Variants in RBM20 observed in about 807,000 individuals in gnomAD.
RBM20 encodes RNA-binding protein 20.
In RBM20, 51 loss-of-function variants were observed where a neutral mutation model predicts 110.1. The observed-to-expected ratio is 0.46, with a 90% CI of 0.37 to 0.59. The LOEUF (loss-of-function observed/expected upper bound fraction) is 0.59, where lower values mean the gene tolerates loss of function less well. Ranked by LOEUF, RBM20 falls within the 20% of genes least tolerant of loss-of-function variation. The pLI, the probability that RBM20 is intolerant of heterozygous loss-of-function variation, is 0.00. For missense variants in RBM20, 1,512 were observed against 1,574.9 expected (o/e 0.96, Z 0.68); for synonymous variants, 589 against 618.2 (o/e 0.95, Z 0.70).
chr10:110,700,443 GA>G (rs1036041876), intron 1 of RBM20, among the ~76,000 whole-genome samples: 26 of 152,310 alleles, frequency 1.7e-4, no homozygotes, highest in African/African-American at 6.3e-4. Flanking sequence ...TACCAATTAA[GA>G]AATCCTTGGC....
chr10:110,715,295 T>G (rs768797609), intron 1 of RBM20, among the ~76,000 whole-genome samples: 1 of 152,060 alleles, frequency 6.6e-6, no homozygotes, highest in Non-Finnish European at 1.5e-5. Flanking sequence ...ACCCATAATT[T>G]GTGAATATTC....
chr10:110,690,172 G>A (rs1862566975), intron 1 of RBM20, among the ~76,000 whole-genome samples: 1 of 152,186 alleles, frequency 6.6e-6, no homozygotes, highest in African/African-American at 2.4e-5. Flanking sequence ...TTGGGAAGCT[G>A]AGGCTGGAGG....
chr10:110,790,487 A>G (rs979722745), intron 5 of RBM20, among the ~76,000 whole-genome samples: 3 of 152,268 alleles, frequency 2.0e-5, no homozygotes, highest in African/African-American at 7.2e-5. Context: ...TTGTGTAAAC[A>G]ATCTTAGCAG....
chr10:110,812,681 A>G lies in RBM20; in HGVS notation c.2284A>G (p.Lys762Glu). ...AAGCCGTGAAGACGGCTACTACCGG[A>G]AAGAGCCCAAAGCCAAGTCGGACAA... ...YKSREDGYYR[K>E]EPKAKSDKYL... Residue 762 changes from lysine to glutamate, a missense_variant, in exon 9 of 14, where the codon AAA (lysine) becomes GAA (glutamate). Physicochemically the swap from Lys to Glu is moderately conservative, Grantham distance 56. Coordinates refer to ENST00000369519, the MANE Select transcript of RBM20 (RefSeq NM_001134363.3). 1 of 1,551,740 alleles carries G rather than the reference A, an allele frequency of 6.4e-7. No individual in the cohort carries two copies. The highest frequency in any genetic ancestry group is 1.4e-5 in the African/African-American group (1 of 73,172).
intron 1 of RBM20, among the ~76,000 whole-genome samples, chr10:110,748,840 A>G (rs1843818182): frequency 6.6e-6 from 1 of 152,228 alleles, no homozygotes; most frequent in Admixed American, 6.5e-5. Flanking sequence ...TTCATTACCC[A>G]CAAAGGAGAC....
intron 1 of RBM20, among the ~76,000 whole-genome samples, chr10:110,667,281 G>A (rs1332328073): frequency 6.6e-6 from 1 of 152,238 alleles, no homozygotes; most frequent in Non-Finnish European, 1.5e-5. Context: ...TCCCTGTGAC[G>A]TGGGTACCCC....
chr10:110,744,098 C>T (rs1843751157), intron 1 of RBM20, among the ~76,000 whole-genome samples: 1 of 152,216 alleles, frequency 6.6e-6, no homozygotes, highest in South Asian at 2.1e-4. Context: ...CTCAGCTCTT[C>T]CACTTGCTGG....
intron 1 of RBM20, among the ~76,000 whole-genome samples, chr10:110,660,857 C>T (rs977603743): frequency 1.3e-5 from 2 of 152,154 alleles, no homozygotes; most frequent in African/African-American, 2.4e-5. Context: ...TCCCTTGCCA[C>T]CATAGTCCAT....
intron 1 of RBM20, among the ~76,000 whole-genome samples, chr10:110,668,437 G>T (rs751231726): frequency 6.6e-6 from 1 of 152,148 alleles, no homozygotes; most frequent in Non-Finnish European, 1.5e-5. Context: ...GATGCGTAAA[G>T]TCTCCCCTAA....
chr10:110,819,198 A>G (rs1451616406), intron 9 of RBM20, among the ~76,000 whole-genome samples: 2 of 152,248 alleles, frequency 1.3e-5, no homozygotes, highest in South Asian at 4.1e-4. Flanking sequence ...TCATGGGAGA[A>G]TATCCCCCAG....
chr10:110,699,457 A>C (rs1395025545), intron 1 of RBM20, among the ~76,000 whole-genome samples: 1 of 151,912 alleles, frequency 6.6e-6, no homozygotes, highest in Non-Finnish European at 1.5e-5. Context: ...TTTTTAGTAG[A>C]GATGGGGTTT....
chr10:110,672,279 T>C (rs17127727), intron 1 of RBM20, among the ~76,000 whole-genome samples: 4,040 of 152,234 alleles, frequency 0.027, 151 homozygotes, highest in African/African-American at 0.088. Context: ...TCGCAGCACT[T>C]GTCAGTTTAT....
chr10:110,807,072 CT>C (rs1844704039), intron 7 of RBM20, among the ~76,000 whole-genome samples: 2 of 152,194 alleles, frequency 1.3e-5, no homozygotes, highest in African/African-American at 4.8e-5. Flanking sequence ...ATCACAATAC[CT>C]GTGACCACTA....
intron 1 of RBM20, among the ~76,000 whole-genome samples, chr10:110,779,610 G>C (rs538014333): frequency 2.0e-5 from 3 of 152,308 alleles, no homozygotes; most frequent in South Asian, 4.1e-4. Context: ...CATCCAAAGT[G>C]GGGGGACAGT....
In RBM20 at chr10:110,781,260, CAAGACTGGGCCTGCT is replaced by C; in HGVS notation, c.652_666del (p.Lys218_Ala222del). On this transcript the variant is annotated inframe_deletion, in exon 2 of 14. Coordinates refer to ENST00000369519, the MANE Select transcript of RBM20 (RefSeq NM_001134363.3). ...AGCCAGCAGTCATCTTGGGCATTGG[CAAGACTGGGCCTGCT>C]CCAGCTACAGCAGGATTCTATGAGT... The C allele has an allele frequency of 1.9e-6, 3 of 1,551,668 alleles. No homozygotes were observed. The highest frequency in any genetic ancestry group is 2.6e-6 in the Non-Finnish European group (3 of 1,147,006).
intron 1 of RBM20, among the ~76,000 whole-genome samples, chr10:110,681,021 G>A (rs965055748): frequency 4.6e-5 from 7 of 152,254 alleles, no homozygotes; most frequent in Admixed American, 4.6e-4. Context: ...AGTCTGCCTG[G>A]ATGGTTTCTG....
At chr10:110,758,034 T>TTTTTTC in intron 1 of RBM20, among the ~76,000 whole-genome samples, 1 of 143,556 alleles carries the variant, frequency 7.0e-6, no homozygotes, top group Non-Finnish European at 1.5e-5. Flanking sequence ...TTTTTTTTTT[T>TTTTTTC]TTTTGAGACA....
rs1382660461 is a variant in RBM20, at chr10:110,812,490, A to T, written c.2093A>T (p.Asp698Val). 6.4e-7 allele frequency: 1 copy of T among 1,551,492 alleles called. No homozygotes were observed. Among genetic ancestry groups the T allele is most frequent in the Non-Finnish European group, 8.7e-7 (1 of 1,146,972 alleles). Residue 698 changes from aspartate (D) to valine (V), a missense_variant, in exon 9 of 14, where the codon GAT (aspartate) becomes GTT (valine). Around this residue, in one of 3 missense-constraint regions of RBM20, gnomAD observed 1,149 missense variants for 1,169.4 expected, o/e 0.98. Coordinates refer to ENST00000369519, the MANE Select transcript of RBM20 (RefSeq NM_001134363.3). ...RDPAPWRDNGDDKRDRMDPWA... is the reference protein window; with the variant it reads ...RDPAPWRDNGVDKRDRMDPWA... Reference sequence around the variant, plus strand: ...CCGGCTCCCTGGAGGGACAACGGAGATGACAAGAGGGACAGGATGGACCCC... The same window carrying T: ...CCGGCTCCCTGGAGGGACAACGGAGTTGACAAGAGGGACAGGATGGACCCC...
At chr10:110,760,425 CTTTTTTTTTTTTTTTT>C (rs541027608) in intron 1 of RBM20, among the ~76,000 whole-genome samples, 18 of 57,876 alleles carry the variant, frequency 3.1e-4, no homozygotes, top group Non-Finnish European at 3.1e-4. Context: ...ATTCCATCAT[CTTTTTTTTTTTTTTTT>C]TTTTTTTTTT....
Sources: gnomAD v4.1 joint callset for allele counts (sites outside exome capture counted in the v4.1 genomes callset) on GRCh38, gnomAD v4.1.1 for gene constraint, gnomAD v4.1.1 regional missense constraint, MANE v1.5 for transcripts, NCBI Gene and HGNC (gene_info 2026-07-23, HGNC 2026-07-21) for gene names.